CNKSR2: variants seen among roughly 807,000 people sequenced by gnomAD.
CNKSR2 encodes the protein CNK homolog protein 2.
In CNKSR2, 14 loss-of-function variants were observed where a neutral mutation model predicts 84.4. The ratio of observed to expected loss-of-function variants is 0.17; its 90% CI spans 0.11 to 0.26. The LOEUF (loss-of-function observed/expected upper bound fraction) is 0.26, where lower values mean the gene tolerates loss of function less well. Among genes scored for constraint, CNKSR2 ranks in the 10% least tolerant of loss-of-function variants. The pLI is 1.00. For missense variants in CNKSR2, 485 were observed against 771.2 expected (o/e 0.63, Z 4.40); for synonymous variants, 275 against 277.9 (o/e 0.99, Z 0.10).
At position 21,626,153 on chromosome X, in the gene CNKSR2, T is replaced by G. The variant is rs778466754; in HGVS notation, c.2692+16536T>G. Among the ~76,000 whole-genome samples, 11 of 100,672 alleles carry G rather than the reference T, an allele frequency of 1.1e-4. No individual in the cohort carries two copies. The South Asian group carries it at 4.5e-3, about 41-fold the overall frequency. 87.4% of individuals were successfully genotyped at this position (100,672 alleles called of 115,157 possible). On this transcript the variant is annotated intron_variant, in intron 20 of 21. Coordinates refer to ENST00000379510, the MANE Select transcript of CNKSR2 (RefSeq NM_014927.5). The stretch of plus-strand genomic sequence containing the variant: ...TCTTGATTATCTCTACCTTGTGAAA[T>G]CAGACAAGACCTCACAGAGGATGTG...
At chrX:21,449,421 A>T (rs1457657830) in intron 4 of CNKSR2, among the ~76,000 whole-genome samples, 1 of 110,893 alleles carries the variant, frequency 9.0e-6, no homozygotes, top group Admixed American at 9.7e-5. Context: ...GCACCGCTAA[A>T]AAAAAACACT....
rs144211364 is a variant in CNKSR2 at position 21,608,624 on chromosome X, T to C, written c.2146-447T>C. Among the ~76,000 whole-genome samples the C allele has an allele frequency of 8.9e-3, 988 of 111,003 alleles. 6 individuals are homozygous for C. The highest frequency in any genetic ancestry group is 0.029 in the African/African-American group (889 of 30,527). Reference sequence around the variant, plus strand: ...CCTATGAAGAAAAGGAAGGGTTCTTTCTGTTTATAGGCAGCCTATCCTCAT... The same window carrying C: ...CCTATGAAGAAAAGGAAGGGTTCTTCCTGTTTATAGGCAGCCTATCCTCAT... On this transcript the variant is annotated intron_variant, in intron 19 of 21. Transcript: ENST00000379510.
intron 4 of CNKSR2, among the ~76,000 whole-genome samples, chrX:21,469,958 G>A (rs2091177580): frequency 8.9e-6 from 1 of 112,139 alleles, no homozygotes; most frequent in African/African-American, 3.2e-5. Flanking sequence ...TGGTTAAAAT[G>A]TATTTATCAC....
At position 21,374,703 on chromosome X, in the gene CNKSR2, C is replaced by G. The variant is rs2089779661; in HGVS notation, c.-195C>G. On this transcript the variant is annotated 5_prime_UTR_variant, in exon 1 of 22. Coordinates refer to ENST00000379510, the MANE Select transcript of CNKSR2 (RefSeq NM_014927.5). ...AGCCACGACTCCTGCACGTTTACCT[C>G]CCTGTCGCCGTTCCTGCCGGCGGTT... The G allele has an allele frequency of 2.0e-6, 1 of 506,359 alleles. No homozygotes were observed. Among genetic ancestry groups the G allele is most frequent in the Non-Finnish European group, 3.6e-6 (1 of 281,459 alleles). 41.7% of individuals were successfully genotyped at this position (506,359 alleles called of 1,213,427 possible). A position where few individuals can be genotyped will look rare whatever the true frequency, so the allele number is the denominator to read the frequency against.
chrX:21,648,753 A>AATGAAT, intron 20 of CNKSR2, 78 bp from the exon 21 acceptor site: 1 of 830,299 alleles, frequency 1.2e-6, no homozygotes, highest in Admixed American at 3.8e-5. Flanking sequence ...ACTATATTGC[A>AATGAAT]ATGAATTCAT....
chrX:21,646,675 T>C (rs756235983), intron 20 of CNKSR2, among the ~76,000 whole-genome samples: 1 of 111,554 alleles, frequency 9.0e-6, no homozygotes, highest in Admixed American at 9.5e-5. Context: ...TTCACCTTCT[T>C]TCTAGAACCA....
intron 1 of CNKSR2, among the ~76,000 whole-genome samples, chrX:21,381,261 A>G (rs1476906445): frequency 8.9e-6 from 1 of 112,055 alleles, no homozygotes; most frequent in African/African-American, 3.2e-5. Context: ...CTTAACAGGA[A>G]TTTTAGGCTT....
rs748480765 is a variant in CNKSR2, at chrX:21,426,819, TTATTA to T, written c.228+165_228+169del. 9.6e-4 allele frequency: 517 copies of T among 536,321 alleles called. 1 individual carries two copies. The African/African-American group carries it at 0.012, about 12-fold the overall frequency. 44.2% of individuals were successfully genotyped at this position (536,321 alleles called of 1,213,427 possible). A position where few individuals can be genotyped will look rare whatever the true frequency, so the allele number is the denominator to read the frequency against. ...CTGATATTTTCTTCCTTCCTTAAAT[TTATTA>T]TATTAGTGCCAAATAACAGTTCCCT... is the stretch of plus-strand genomic sequence containing the variant. On this transcript the variant is annotated intron_variant, in intron 2 of 21. Transcript: ENST00000379510.
At chrX:21,464,883 A>G (rs973053121) in intron 4 of CNKSR2, among the ~76,000 whole-genome samples, 79 of 112,581 alleles carry the variant, frequency 7.0e-4, no homozygotes, top group Non-Finnish European at 1.3e-3. Flanking sequence ...TTAAAACAAA[A>G]ACAAAAATTT....
At chrX:21,409,729 T>G (rs1445797969) in intron 1 of CNKSR2, among the ~76,000 whole-genome samples, 1 of 111,248 alleles carries the variant, frequency 9.0e-6, no homozygotes, top group Non-Finnish European at 1.9e-5. Context: ...AGGCTAATTT[T>G]TCGTTTAGCC....
At chrX:21,480,653 T>A (rs1218492830) in intron 5 of CNKSR2, among the ~76,000 whole-genome samples, 1 of 111,190 alleles carries the variant, frequency 9.0e-6, no homozygotes, top group African/African-American at 3.3e-5. Flanking sequence ...GAAGTGAGAG[T>A]AGTGGTGGAG....
intron 11 of CNKSR2, among the ~76,000 whole-genome samples, chrX:21,551,522 A>T (rs2092092464): frequency 8.9e-6 from 1 of 112,531 alleles, no homozygotes; most frequent in African/African-American, 3.2e-5. Flanking sequence ...TATGAACTAG[A>T]TGAAATAGTG....
At chrX:21,647,489 T>C (rs2092709458) in intron 20 of CNKSR2, among the ~76,000 whole-genome samples, 2 of 112,111 alleles carry the variant, frequency 1.8e-5, no homozygotes, top group Non-Finnish European at 3.8e-5. Context: ...TAAATACACA[T>C]TTCAAAAGAC....
At chrX:21,422,828 A>C (rs1164110428) in intron 1 of CNKSR2, among the ~76,000 whole-genome samples, 1 of 111,380 alleles carries the variant, frequency 9.0e-6, no homozygotes, top group East Asian at 2.8e-4. Flanking sequence ...AGAATATCAC[A>C]TGTATCTCAT....
chrX:21,522,338 G>A (rs1174914941), intron 9 of CNKSR2, among the ~76,000 whole-genome samples: 5 of 110,907 alleles, frequency 4.5e-5, no homozygotes, highest in Non-Finnish European at 9.5e-5. Context: ...GGAAGGCAAA[G>A]CAAGTTCTGT....
intron 10 of CNKSR2, among the ~76,000 whole-genome samples, chrX:21,528,111 T>C (rs1227030725): frequency 1.8e-5 from 2 of 111,263 alleles, no homozygotes; most frequent in Non-Finnish European, 3.8e-5. Context: ...TATAGTTTAC[T>C]AAGCTGGCAT....
At chrX:21,419,831 G>T (rs1601765381) in intron 1 of CNKSR2, among the ~76,000 whole-genome samples, 1 of 112,534 alleles carries the variant, frequency 8.9e-6, no homozygotes, top group Admixed American at 9.3e-5. Flanking sequence ...CCATGACTGT[G>T]CTGGGTCATA....
At chrX:21,400,727 A>G (rs989823212) in intron 1 of CNKSR2, among the ~76,000 whole-genome samples, 2 of 111,472 alleles carry the variant, frequency 1.8e-5, no homozygotes, top group African/African-American at 6.5e-5. Context: ...GTATAGATTA[A>G]ACATTTCTAT....
chrX:21,588,094 C>T (rs1160024140), intron 13 of CNKSR2, among the ~76,000 whole-genome samples: 1 of 111,939 alleles, frequency 8.9e-6, no homozygotes, highest in East Asian at 2.8e-4. Flanking sequence ...CAGGGAAGCC[C>T]GTTAGAGATT....
Sources: allele counts gnomAD v4.1 joint callset (sites outside exome capture counted in the v4.1 genomes callset), GRCh38; gene constraint gnomAD v4.1.1; transcripts MANE v1.5; gene names NCBI Gene and HGNC (gene_info 2026-07-23, HGNC 2026-07-21).